Variants in BSN observed in about 807,000 individuals in gnomAD.
BSN encodes the protein protein bassoon.
A neutral mutation model predicts 264.8 loss-of-function variants in BSN; 57 were observed. The observed-to-expected ratio is 0.22, with a 90% CI of 0.17 to 0.27. The LOEUF (loss-of-function observed/expected upper bound fraction) is 0.27. Among genes scored for constraint, BSN ranks in the 10% least tolerant of loss-of-function variants. BSN has a pLI of 1.00. For synonymous variants in BSN, 2,059 were observed against 2,137.3 expected (o/e 0.96, Z 1.01); for missense variants, 4,615 against 5,232.5 (o/e 0.88, Z 3.64).
chr3:49,661,108 C>G lies in BSN; in HGVS notation c.9263C>G (p.Thr3088Arg). ...GCCCCCACCTACCCTGGCCCCAGCA[C>G]GTACCCAGCTCCTGCCTTTCCTCCT... is the stretch of plus-strand genomic sequence containing the variant. Reference protein sequence around the residue: ...HQAPTYPGPSTYPAPAFPPGA... With the variant: ...HQAPTYPGPSRYPAPAFPPGA... Residue 3088 changes from threonine to arginine, a missense_variant, in exon 6 of 12, where the codon ACG becomes AGG. Coordinates refer to ENST00000296452, the MANE Select transcript of BSN (RefSeq NM_003458.4). 6.2e-7 allele frequency: 1 copy of G among 1,612,012 alleles called. No homozygotes were observed. The highest frequency in any genetic ancestry group is 8.5e-7 in the Non-Finnish European group (1 of 1,179,654).
At chr3:49,631,908 CACACTTCCTGATTTCAAA>C (rs2052386549) in intron 2 of BSN, among the ~76,000 whole-genome samples, 1 of 152,216 alleles carries the variant, frequency 6.6e-6, no homozygotes. Context: ...CTGAAGAACT[CACACTTCCTGATTTCAAA>C]ACTTACTACA....
intron 1 of BSN, among the ~76,000 whole-genome samples, chr3:49,598,206 A>G (rs1456100409): frequency 1.3e-5 from 2 of 152,166 alleles, no homozygotes; most frequent in Non-Finnish European, 2.9e-5. Flanking sequence ...TGCATGTCTC[A>G]TAATTTTTTG....
chr3:49,664,300 C>T (rs2052692181), intron 8 of BSN, 123 bp from the exon 9 acceptor site: 1 of 1,283,698 alleles, frequency 7.8e-7, no homozygotes, highest in Admixed American at 2.0e-5. Flanking sequence ...TTTCCCTAGC[C>T]TCCTTCTCAC....
chr3:49,633,676 C>T lies in BSN; in HGVS notation c.633+8293C>T, dbSNP rs1254789229. ...ACAATAGCTAAAATGTGAAAACAAC[C>T]AACAGCCCATTGACAAATGAGCAAA... On this transcript the variant is annotated intron_variant, in intron 2 of 11. Transcript: ENST00000296452. 2.0e-5 allele frequency among the ~76,000 whole-genome samples: 3 copies of T among 152,140 alleles called. No individual in the cohort carries two copies. The East Asian group carries it at 5.8e-4, about 29-fold the overall frequency.
chr3:49,658,103 CCT>C lies in BSN; in HGVS notation c.8548_8549del (p.Leu2850ValfsTer2). On this transcript the variant is annotated frameshift_variant, in exon 5 of 12. Transcript: ENST00000296452. LOFTEE classifies it high-confidence loss of function. ...GCCCCATGAAGACCCTGCAGCGGTC[CCT>C]GTCTGACCCTAAGCCCCTCAGCCCC... Reference protein sequence around the residue: ...PRPMKTLQRSLSDPKPLSPTA... With the variant: ...PRPMKTLQRSXSDPKPLSPTA... 6.2e-7 allele frequency: 1 copy of C among 1,613,022 alleles called. No homozygotes were observed. The highest frequency in any genetic ancestry group is 8.5e-7 in the Non-Finnish European group (1 of 1,179,852).
chr3:49,603,660 C>T (rs1182473370), intron 1 of BSN, among the ~76,000 whole-genome samples: 1 of 152,184 alleles, frequency 6.6e-6, no homozygotes, highest in African/African-American at 2.4e-5. Context: ...GAAGGGTTCT[C>T]TGATCTTACA....
chr3:49,605,518 A>AATATATAATATATATTT (rs1553661666), intron 1 of BSN, among the ~76,000 whole-genome samples: 1 of 6,522 alleles, frequency 1.5e-4, no homozygotes, highest in African/African-American at 8.1e-4. Context: ...TATATAATAT[A>AATATATAATATATATTT]TATATAATAT....
chr3:49,645,178 G>T (rs2052495857), intron 3 of BSN, among the ~76,000 whole-genome samples: 1 of 152,160 alleles, frequency 6.6e-6, no homozygotes, highest in African/African-American at 2.4e-5. Flanking sequence ...GGATGTCCTG[G>T]TCCTAGTCCT....
chr3:49,613,303 C>CAAGAGAGAGAGAGAGAGAGAGAGAGA lies in BSN; in HGVS notation c.225-11672_225-11671insAAGAGAGAGAGAGAGAGAGAGAGAGA, dbSNP rs2052223343. ...TATATATATATATACACACACAGAG[C>CAAGAGAGAGAGAGAGAGAGAGAGAGA]GAGAGAGAGAGAGAGAGAGAGAGAG... On this transcript the variant is annotated intron_variant, in intron 1 of 11. Transcript: ENST00000296452. Among the ~76,000 whole-genome samples, 22 of 47,348 alleles carry CAAGAGAGAGAGAGAGAGAGAGAGAGA rather than the reference C, an allele frequency of 4.6e-4. 1 individual carries two copies. Among genetic ancestry groups the CAAGAGAGAGAGAGAGAGAGAGAGAGA allele is most frequent in the Admixed American group, 7.3e-4 (2 of 2,728 alleles). The allele number at this position is 47,348 out of a possible 152,430, so 31.1% of individuals were successfully genotyped here.
intron 1 of BSN, among the ~76,000 whole-genome samples, chr3:49,576,018 C>G (rs1239949394): frequency 6.6e-6 from 1 of 152,054 alleles, no homozygotes; most frequent in East Asian, 1.9e-4. Flanking sequence ...ATACTTCTCC[C>G]CACCCTCCCA....
chr3:49,622,311 G>A (rs1321045366), intron 1 of BSN, among the ~76,000 whole-genome samples: 75 of 152,158 alleles, frequency 4.9e-4, no homozygotes, highest in Non-Finnish European at 7.4e-5. Flanking sequence ...TACAAAGACC[G>A]TGGACATATA....
At chr3:49,643,505 C>T (rs1202010375) in intron 3 of BSN, among the ~76,000 whole-genome samples, 2 of 152,182 alleles carry the variant, frequency 1.3e-5, no homozygotes, top group Admixed American at 1.3e-4. Flanking sequence ...ACCTGAGGTC[C>T]CACACTGCCA....
intron 1 of BSN, 49 bp downstream of exon 1, chr3:49,554,875 C>T: frequency 9.1e-7 from 1 of 1,094,554 alleles, no homozygotes; most frequent in Non-Finnish European, 1.1e-6. Context: ...CAGCCTGAGG[C>T]CGGGACCCGG....
At chr3:49,600,647 A>T (rs925197969) in intron 1 of BSN, among the ~76,000 whole-genome samples, 1 of 135,876 alleles carries the variant, frequency 7.4e-6, no homozygotes, top group Non-Finnish European at 1.6e-5. Flanking sequence ...AAATAAAAAT[A>T]AAAAAAATTA....
Position 49,650,993 on chromosome 3 carries a change from A to C in BSN, c.1900A>C (p.Lys634Gln). 6.2e-7 allele frequency: 1 copy of C among 1,614,078 alleles called. No individual in the cohort carries two copies. Residue 634 changes from lysine to glutamine, a missense_variant, in exon 4 of 12, where the codon AAA becomes CAA. By Grantham distance (53) the Lys-to-Gln change is moderately conservative. Transcript: ENST00000296452. The stretch of plus-strand genomic sequence containing the variant: ...GACTACCCCAACCCCTGCGACTCCT[A>C]AAGTAAAGAGTGGGGTGAGGAGGGC... ...PETTPTPATP[K>Q]VKSGVRRAEP...
chr3:49,613,981 A>T (rs1052922312), intron 1 of BSN, among the ~76,000 whole-genome samples: 1 of 151,384 alleles, frequency 6.6e-6, no homozygotes, highest in Non-Finnish European at 1.5e-5. Flanking sequence ...ACCACTACTT[A>T]CTTGCCCTCA....
At chr3:49,580,922 A>G (rs1278019452) in intron 1 of BSN, among the ~76,000 whole-genome samples, 3 of 151,698 alleles carry the variant, frequency 2.0e-5, no homozygotes, top group Non-Finnish European at 4.4e-5. Flanking sequence ...AATCACCCCA[A>G]ACTCTGACCA....
rs774698406 is a variant in BSN at position 49,650,981 on chromosome 3, C to G, written c.1888C>G (p.Pro630Ala). Residue 630 changes from proline (P) to alanine (A), a missense_variant, in exon 4 of 12, where the codon CCT (proline) becomes GCT (alanine). By Grantham distance (27) the Pro-to-Ala change is conservative (BLOSUM62 -1). Around this residue, in one of 3 missense-constraint regions of BSN, gnomAD observed 1,197 missense variants for 1,348.0 expected, o/e 0.89. Transcript: ENST00000296452. ...PKPPPETTPT[P>A]ATPKVKSGVR... is the part of the protein sequence containing the mutation. ...GCCACCTCCAGAGACTACCCCAACC[C>G]CTGCGACTCCTAAAGTAAAGAGTGG... The G allele has an allele frequency of 5.6e-6, 9 of 1,614,044 alleles. No individual in the cohort carries two copies. The highest frequency in any genetic ancestry group is 1.3e-5 in the African/African-American group (1 of 74,934).
rs983446562 is a variant in BSN, at chr3:49,663,026, C to A, written c.10868C>A (p.Pro3623His). The A allele has an allele frequency of 5.6e-6, 9 of 1,613,810 alleles. No homozygotes were observed. The highest frequency in any genetic ancestry group is 7.6e-6 in the Non-Finnish European group (9 of 1,180,028). ...ARHSYHDYDEPPEEGLWPHDE... is the reference protein window; with the variant it reads ...ARHSYHDYDEHPEEGLWPHDE... ...CACAGCTACCATGACTACGATGAAC[C>A]CCCTGAGGAGGGCCTGTGGCCTCAT... Residue 3623 changes from proline (P) to histidine (H), a missense_variant, in exon 7 of 12, where the codon CCC (proline) becomes CAC (histidine). Pro to His is a moderately conservative substitution (Grantham distance 77). Coordinates refer to ENST00000296452, the MANE Select transcript of BSN (RefSeq NM_003458.4).
Sources: allele counts gnomAD v4.1 joint callset (sites outside exome capture counted in the v4.1 genomes callset), GRCh38; gene constraint gnomAD v4.1.1; regional missense constraint gnomAD v4.1.1; transcripts MANE v1.5; gene names NCBI Gene and HGNC (gene_info 2026-07-23, HGNC 2026-07-21).